Variants in L3MBTL4 observed in about 807,000 individuals in gnomAD.
The protein encoded by L3MBTL4 is lethal(3)malignant brain tumor-like protein 4.
L3MBTL4 carries 70 observed loss-of-function variants against 84.5 expected under a neutral mutation model. The ratio of observed to expected loss-of-function variants is 0.83; its 90% confidence interval spans 0.68 to 1.01. The LOEUF is 1.01. Among genes scored for constraint, L3MBTL4 ranks in the 50% least tolerant of loss-of-function variants. The probability of loss-of-function intolerance (pLI) is 0.00; values close to 1 mark genes in which losing one functional copy is unlikely to be tolerated. For missense variants in L3MBTL4, 715 were observed against 754.8 expected, an observed-to-expected ratio of 0.95 and a Z score of 0.62; for synonymous variants, 274 against 259.8, an observed-to-expected ratio of 1.05 and a Z score of -0.52.
At chr18:6,093,578 C>T (rs1598727124) in intron 14 of L3MBTL4, 50 bp from the exon 15 acceptor site, 1 of 1,480,418 alleles carries the variant, frequency 6.8e-7, no homozygotes, top group Non-Finnish European at 9.1e-7. Flanking sequence ...AGTGATAAAT[C>T]AGGGATCCAT....
rs1437528394 is a variant in L3MBTL4, at chr18:5,968,602, T to C, written c.1614+791A>G. ...GTCCTAGCTACTCAGGAGGTTGAAG[T>C]GGGAGGATCGCTAGAGTCCAGGAGT... On this transcript the variant is annotated intron_variant, in intron 17 of 18. Coordinates refer to ENST00000317931, the MANE Select transcript of L3MBTL4 (RefSeq NM_001330559.2). Among the ~76,000 whole-genome samples the C allele has an allele frequency of 2.0e-5, 3 of 151,748 alleles. No individual in the cohort carries two copies. The East Asian group carries it at 5.8e-4, about 29-fold the overall frequency.
At chr18:6,335,606 A>G (rs1269237647) in intron 1 of L3MBTL4, among the ~76,000 whole-genome samples, 1 of 152,164 alleles carries the variant, frequency 6.6e-6, no homozygotes, top group African/African-American at 2.4e-5. Flanking sequence ...CCCAAATCTT[A>G]TCTTGAATTA....
intron 13 of L3MBTL4, among the ~76,000 whole-genome samples, chr18:6,169,142 C>A (rs1354169664): frequency 1.3e-5 from 2 of 152,146 alleles, no homozygotes; most frequent in African/African-American, 4.8e-5. Flanking sequence ...CCATCTCACA[C>A]CAGTTAGAAT....
At chr18:6,372,010 T>TGGGCCCCTA (rs1280187508) in intron 1 of L3MBTL4, among the ~76,000 whole-genome samples, 1 of 152,320 alleles carries the variant, frequency 6.6e-6, no homozygotes, top group Non-Finnish European at 1.5e-5. Context: ...CCTGGGCCCT[T>TGGGCCCCTA]GGGCCCCTAC....
intron 1 of L3MBTL4, among the ~76,000 whole-genome samples, chr18:6,317,316 A>G (rs1329002077): frequency 6.6e-6 from 1 of 152,168 alleles, no homozygotes; most frequent in Admixed American, 6.5e-5. Context: ...TCAAGCAGAT[A>G]CCAGAGAAAG....
chr18:6,028,257 C>G (rs1245530613), intron 16 of L3MBTL4, among the ~76,000 whole-genome samples: 1 of 152,006 alleles, frequency 6.6e-6, no homozygotes, highest in African/African-American at 2.4e-5. Flanking sequence ...TTTTTGCATA[C>G]AGTTAGCCAG....
rs757254879 is a variant in L3MBTL4, at chr18:6,006,843, T to C, written c.1445-37281A>G. On this transcript the variant is annotated intron_variant, in intron 16 of 18. Coordinates refer to ENST00000317931, the MANE Select transcript of L3MBTL4 (RefSeq NM_001330559.2). ...ATGCTAAGGAGGCATCTCAAGTTAGTAAGGAAATGATGTAAACAGTGTTGA... is the reference window on the plus strand; with the variant it reads ...ATGCTAAGGAGGCATCTCAAGTTAGCAAGGAAATGATGTAAACAGTGTTGA... 5.3e-5 allele frequency among the ~76,000 whole-genome samples: 8 copies of C among 152,288 alleles called. No individual in the cohort carries two copies. In the South Asian group the frequency reaches 8.3e-4, roughly 16 times the overall value.
intron 14 of L3MBTL4, among the ~76,000 whole-genome samples, chr18:6,115,758 C>T: frequency 6.6e-6 from 1 of 152,184 alleles, no homozygotes; most frequent in Non-Finnish European, 1.5e-5. Context: ...TAGAATCACT[C>T]AGAGGACTTC....
chr18:5,974,857 G>C (rs573203627), intron 16 of L3MBTL4, among the ~76,000 whole-genome samples: 1 of 152,172 alleles, frequency 6.6e-6, no homozygotes, highest in East Asian at 1.9e-4. Context: ...TTGGCTACTT[G>C]GGAGGCTGAG....
At chr18:6,388,744 A>G (rs1177909541) in intron 1 of L3MBTL4, among the ~76,000 whole-genome samples, 1 of 152,206 alleles carries the variant, frequency 6.6e-6, no homozygotes, top group African/African-American at 2.4e-5. Flanking sequence ...CCAGACTATC[A>G]GCTCAGAGGT....
In L3MBTL4 at chr18:6,063,554, G is replaced by T. The variant is rs557301556; in HGVS notation, c.1444+17327C>A. On this transcript the variant is annotated intron_variant, in intron 16 of 18. Coordinates refer to ENST00000317931, the MANE Select transcript of L3MBTL4 (RefSeq NM_001330559.2). ...TTGTTTTTTTGACTTTTTAATTAGG[G>T]CCATTCTTGCAGGAGTAAGGTGGTA... 7.9e-5 allele frequency among the ~76,000 whole-genome samples: 12 copies of T among 151,792 alleles called. No individual in the cohort carries two copies. In the South Asian group the frequency reaches 2.1e-3, roughly 26 times the overall value.
At chr18:6,283,629 G>T (rs1053005422) in intron 4 of L3MBTL4, among the ~76,000 whole-genome samples, 1 of 152,108 alleles carries the variant, frequency 6.6e-6, no homozygotes, top group African/African-American at 2.4e-5. Context: ...TATTTAAGCT[G>T]TTCCAAAAAA....
intron 5 of L3MBTL4, among the ~76,000 whole-genome samples, chr18:6,262,378 A>G (rs1467609018): frequency 6.6e-6 from 1 of 152,234 alleles, no homozygotes; most frequent in Admixed American, 6.5e-5. Flanking sequence ...AGCACACTCA[A>G]CACAGCAGGC....
At chr18:6,036,109 G>T (rs977685351) in intron 16 of L3MBTL4, among the ~76,000 whole-genome samples, 3 of 152,148 alleles carry the variant, frequency 2.0e-5, no homozygotes, top group Non-Finnish European at 1.5e-5. Context: ...CCTCTTTCTT[G>T]CTGCTTTCAA....
chr18:6,114,678 T>C (rs2059303300), intron 14 of L3MBTL4, among the ~76,000 whole-genome samples: 1 of 152,246 alleles, frequency 6.6e-6, no homozygotes, highest in African/African-American at 2.4e-5. Flanking sequence ...ATTTGATTTA[T>C]CTGAAACCTT....
intron 5 of L3MBTL4, among the ~76,000 whole-genome samples, chr18:6,254,158 T>C (rs1054754572): frequency 6.6e-6 from 1 of 152,170 alleles, no homozygotes; most frequent in East Asian, 1.9e-4. Context: ...TCCCTAAGGA[T>C]ACCCTAATTC....
intron 5 of L3MBTL4, among the ~76,000 whole-genome samples, chr18:6,254,380 A>C (rs975041035): frequency 2.0e-5 from 3 of 147,414 alleles, no homozygotes; most frequent in Non-Finnish European, 4.5e-5. Flanking sequence ...GCAGCAAGGC[A>C]TGCTTCAAAT....
At chr18:6,043,212 A>G (rs529179726) in intron 16 of L3MBTL4, among the ~76,000 whole-genome samples, 26 of 152,112 alleles carry the variant, frequency 1.7e-4, no homozygotes, top group African/African-American at 5.5e-4. Context: ...CAGCTGATCA[A>G]TGTGTATCTG....
In L3MBTL4 at chr18:6,301,931, G is replaced by A; in HGVS notation, c.99C>T (p.Pro33=). 6.2e-7 allele frequency: 1 copy of A among 1,613,248 alleles called. No individual in the cohort carries two copies. The highest frequency in any genetic ancestry group is 8.5e-7 in the Non-Finnish European group (1 of 1,179,282). The change falls in exon 4 of 19, where the codon CCC becomes CCT. Residue 33 remains proline, a synonymous_variant. Transcript: ENST00000317931. ...GACTCAAAGGGGTTGTGCTATCCTT[G>A]GGCTTCTTTTCCTCTTCAGCTTGCT... The part of the protein sequence containing the change: ...RLEQAEEEKK[P]KDSTTPLSHV...
Sources: gnomAD v4.1 joint callset for allele counts (sites outside exome capture counted in the v4.1 genomes callset) on GRCh38, gnomAD v4.1.1 for gene constraint, MANE v1.5 for transcripts, NCBI Gene and HGNC (gene_info 2026-07-23, HGNC 2026-07-21) for gene names.